ASAH2: variants seen among roughly 807,000 people sequenced by gnomAD.
ASAH2 encodes N-acylsphingosine amidohydrolase 2.
ASAH2 carries 58 observed loss-of-function variants against 82.9 expected under a neutral mutation model. The ratio of observed to expected loss-of-function variants is 0.70; its 90% CI spans 0.57 to 0.87. The LOEUF is 0.87. Among genes scored for constraint, ASAH2 ranks in the 40% least tolerant of loss-of-function variants. ASAH2 has a pLI of 0.00. For synonymous variants in ASAH2, 276 were observed against 289.7 expected, an observed-to-expected ratio of 0.95 and a Z score of 0.48; for missense variants, 779 against 834.0, an observed-to-expected ratio of 0.93 and a Z score of 0.81.
intron 7 of ASAH2, among the ~76,000 whole-genome samples, chr10:50,231,175 G>A (rs1431001981): frequency 1.3e-5 from 2 of 152,106 alleles, no homozygotes; most frequent in African/African-American, 4.8e-5. Flanking sequence ...GGGATACTCA[G>A]TGTAACTAGC....
chr10:50,217,576 A>T (rs927292918), intron 8 of ASAH2, among the ~76,000 whole-genome samples: 1 of 152,092 alleles, frequency 6.6e-6, no homozygotes, highest in Non-Finnish European at 1.5e-5. Context: ...TTCTGAGAAA[A>T]TTTTTATTTT....
At chr10:50,201,604 A>G (rs1243260208) in intron 16 of ASAH2, among the ~76,000 whole-genome samples, 1 of 152,106 alleles carries the variant, frequency 6.6e-6, no homozygotes, top group African/African-American at 2.4e-5. Flanking sequence ...CACCTGGACC[A>G]GGAGACAAGC....
intron 1 of ASAH2, among the ~76,000 whole-genome samples, chr10:50,250,343 G>A (rs1398533328): frequency 2.0e-5 from 3 of 152,118 alleles, no homozygotes; most frequent in African/African-American, 7.2e-5. Flanking sequence ...CAAAGAGACT[G>A]GAACATCTTC....
intron 12 of ASAH2, among the ~76,000 whole-genome samples, chr10:50,209,778 A>T (rs1281373732): frequency 6.6e-6 from 1 of 152,220 alleles, no homozygotes; most frequent in African/African-American, 2.4e-5. Flanking sequence ...TAATACGCAC[A>T]TGAAAAGGTG....
Position 50,245,536 on chromosome 10 carries a change from C to T in ASAH2, c.128-82G>A, listed in dbSNP as rs575405935. 4 of 1,240,542 alleles carry T rather than the reference C, an allele frequency of 3.2e-6. No homozygotes were observed. In the South Asian group the frequency reaches 5.9e-5, roughly 18 times the overall value. The allele number at this position is 1,240,542 out of a possible 1,614,324, so 76.8% of individuals were successfully genotyped here. A position where few individuals can be genotyped will look rare whatever the true frequency, so the allele number is the denominator to read the frequency against. ...TCAATTAGAACACAATATATAGGCT[C>T]AGGTTCATAAGGAAAACTCTTTATA... On this transcript the variant is annotated intron_variant, in intron 2 of 20. Coordinates refer to ENST00000682911, the MANE Select transcript of ASAH2 (RefSeq NM_019893.4).
chr10:50,245,330 AG>A lies in ASAH2; in HGVS notation c.251del (p.Thr84IlefsTer6). On this transcript the variant is annotated frameshift_variant, in exon 3 of 21. Transcript: ENST00000682911. LOFTEE classifies it high-confidence loss of function. The part of the protein sequence containing the change: ...TATQSSTATQ[T>X]SPVPLTPESP... ...ACTCTGGGGTTAAAGGCACTGGAGAAGTTTGAGTGGCTGTGGAGCTCTGGGT... is the reference window on the plus strand; with the variant it reads ...ACTCTGGGGTTAAAGGCACTGGAGAATTTGAGTGGCTGTGGAGCTCTGGGT... 6.2e-7 allele frequency: 1 copy of A among 1,613,990 alleles called. No individual in the cohort carries two copies. Among genetic ancestry groups the A allele is most frequent in the African/African-American group, 1.3e-5 (1 of 74,942 alleles).
chr10:50,207,547 G>A (rs1458292090), intron 12 of ASAH2, among the ~76,000 whole-genome samples: 3 of 151,086 alleles, frequency 2.0e-5, no homozygotes, highest in Admixed American at 6.6e-5. Context: ...GTAGTTGTAC[G>A]CTAACAAATT....
chr10:50,206,669 C>G, intron 12 of ASAH2, among the ~76,000 whole-genome samples: 1 of 151,734 alleles, frequency 6.6e-6, no homozygotes, highest in East Asian at 1.9e-4. Context: ...AATCTATACT[C>G]TATTCAAAAA....
chr10:50,193,986 A>T (rs1844909011), intron 18 of ASAH2, among the ~76,000 whole-genome samples: 2 of 151,370 alleles, frequency 1.3e-5, no homozygotes, highest in Non-Finnish European at 3.0e-5. Flanking sequence ...AATAGGACAT[A>T]TGAATGGTCA....
chr10:50,251,121 T>C (rs1846602344), intron 1 of ASAH2, among the ~76,000 whole-genome samples: 1 of 152,248 alleles, frequency 6.6e-6, no homozygotes, highest in African/African-American at 2.4e-5. Context: ...CTTAAAGGAT[T>C]CTAGATTTTA....
intron 16 of ASAH2, among the ~76,000 whole-genome samples, chr10:50,201,837 T>C (rs960223069): frequency 2.6e-5 from 4 of 152,172 alleles, no homozygotes; most frequent in Admixed American, 6.6e-5. Context: ...TAACAAGATA[T>C]ATCTGTGGAT....
chr10:50,211,968 A>G (rs2133207396), intron 10 of ASAH2, among the ~76,000 whole-genome samples: 1 of 152,284 alleles, frequency 6.6e-6, no homozygotes, highest in Non-Finnish European at 1.5e-5. Context: ...TGGGAACAAA[A>G]TTTCTGACAC....
chr10:50,203,740 A>C, intron 14 of ASAH2, 61 bp from the exon 15 acceptor site: 4 of 1,501,924 alleles, frequency 2.7e-6, no homozygotes, highest in Non-Finnish European at 3.7e-6. Context: ...AGTACACAGA[A>C]ACACTGGCAG....
intron 18 of ASAH2, among the ~76,000 whole-genome samples, chr10:50,195,919 AG>A (rs1844965960): frequency 1.3e-5 from 2 of 151,938 alleles, no homozygotes; most frequent in South Asian, 4.1e-4. Context: ...GGGGTTGGGG[AG>A]GTATTGATCA....
At position 50,206,055 on chromosome 10, in the gene ASAH2, T is replaced by G; in HGVS notation, c.1457A>C (p.Gln486Pro). 2 of 1,612,710 alleles carry G rather than the reference T, an allele frequency of 1.2e-6. No individual in the cohort carries two copies. Among genetic ancestry groups the G allele is most frequent in the East Asian group, 2.2e-5 (1 of 44,822 alleles). ...GDPFWDTIRD[Q>P]ILGKPSEEIK... ...TTCTTCAGATGGCTTTCCCAGGATCTGGTCCCGAATGGTGTCCCAAAATGG... is the reference window on the plus strand; with the variant it reads ...TTCTTCAGATGGCTTTCCCAGGATCGGGTCCCGAATGGTGTCCCAAAATGG... Residue 486 changes from glutamine to proline, a missense_variant, in exon 13 of 21, where the codon CAG becomes CCG. By Grantham distance (76) the Gln-to-Pro change is moderately conservative (BLOSUM62 -1). Coordinates refer to ENST00000682911, the MANE Select transcript of ASAH2 (RefSeq NM_019893.4).
intron 14 of ASAH2, among the ~76,000 whole-genome samples, 167 bp downstream of exon 14, chr10:50,204,694 C>T (rs1232154788): frequency 6.6e-6 from 1 of 151,674 alleles, no homozygotes; most frequent in Non-Finnish European, 1.5e-5. Flanking sequence ...GATAGTTATT[C>T]TTCAGAGGCC....
At position 50,186,777 on chromosome 10, in the gene ASAH2, T is replaced by C. The variant is rs1428057261; in HGVS notation, c.*538A>G. The C allele has an allele frequency of 1.5e-5, 2 of 135,320 alleles. No homozygotes were observed. The highest frequency in any genetic ancestry group is 3.1e-5 in the Non-Finnish European group (2 of 64,532). The allele number at this position is 135,320 out of a possible 1,614,324, so 8.4% of individuals were successfully genotyped here. On this transcript the variant is annotated 3_prime_UTR_variant, in exon 21 of 21. Transcript: ENST00000682911. ...TGTTTCTCTAATTAGGCTCATACAT[T>C]CATGGTCAAGGTTTATATCATATTT... is the stretch of plus-strand genomic sequence containing the variant.
chr10:50,206,537 TACACACACAC>T (rs544968746), intron 12 of ASAH2, among the ~76,000 whole-genome samples: 149 of 130,818 alleles, frequency 1.1e-3, no homozygotes, highest in African/African-American at 3.1e-3. Context: ...TTTAGTTATC[TACACACACAC>T]ACACACACAC....
chr10:50,203,653 T>C lies in ASAH2; in HGVS notation c.1652A>G (p.Glu551Gly). ...TTTTTAACTTACTGCTTGAACTGCC[T>C]CTCGAAGTCTTCGTCCAGACATGGT... ...FTTMSGRRLREAVQAEFASHG... is the reference protein window; with the variant it reads ...FTTMSGRRLRGAVQAEFASHG... Residue 551 changes from glutamate (E) to glycine (G), a missense_variant, in exon 15 of 21, where the codon GAG becomes GGG. Around this residue, in one of 3 missense-constraint regions of ASAH2, gnomAD observed 759 missense variants for 755.2 expected, o/e 1.00. Transcript: ENST00000682911. The C allele has an allele frequency of 8.1e-6, 13 of 1,612,566 alleles. No individual in the cohort carries two copies. Among genetic ancestry groups the C allele is most frequent in the Non-Finnish European group, 1.1e-5 (13 of 1,178,868 alleles).
Sources: allele counts gnomAD v4.1 joint callset (sites outside exome capture counted in the v4.1 genomes callset), GRCh38; gene constraint gnomAD v4.1.1; regional missense constraint gnomAD v4.1.1; transcripts MANE v1.5; gene names NCBI Gene and HGNC (gene_info 2026-07-23, HGNC 2026-07-21).